Variants in LRBA observed in about 807,000 individuals in gnomAD.
LRBA encodes LPS responsive beige-like anchor protein.
LRBA carries 176 observed loss-of-function variants against 330.0 expected under a neutral mutation model. The ratio of observed to expected loss-of-function variants is 0.53; its 90% confidence interval spans 0.47 to 0.60. The LOEUF (loss-of-function observed/expected upper bound fraction) is 0.60, where lower values mean the gene tolerates loss of function less well. Ranked by LOEUF, LRBA falls within the 20% of genes least tolerant of loss-of-function variation. The probability of loss-of-function intolerance (pLI) is 0.00; values close to 1 mark genes in which losing one functional copy is unlikely to be tolerated. For missense variants in LRBA, 3,259 were observed against 3,444.8 expected, an observed-to-expected ratio of 0.95 and a Z score of 1.35; for synonymous variants, 1,230 against 1,193.0, an observed-to-expected ratio of 1.03 and a Z score of -0.64.
chr4:150,781,447 G>A (rs1214667684), intron 34 of LRBA, among the ~76,000 whole-genome samples: 2 of 152,232 alleles, frequency 1.3e-5, no homozygotes, highest in Non-Finnish European at 2.9e-5. Context: ...GCGGAGCTCA[G>A]GCAGTAATGC....
rs1179288457 is a variant in LRBA, at chr4:150,871,342, T to C, written c.2367+3A>G. 6.4e-7 allele frequency: 1 copy of C among 1,554,404 alleles called. No individual in the cohort carries two copies. The highest frequency in any genetic ancestry group is 1.4e-5 in the African/African-American group (1 of 74,048). ...GAGGAGTAAATCCTAAGTACATTCCTACCTCAAACAGCACATTATATGTGG... is the reference window on the plus strand; with the variant it reads ...GAGGAGTAAATCCTAAGTACATTCCCACCTCAAACAGCACATTATATGTGG... On this transcript the variant is annotated splice_donor_region_variant and intron_variant, in intron 19 of 56. Transcript: ENST00000651943.
At chr4:150,976,229 A>G (rs951323896) in intron 2 of LRBA, among the ~76,000 whole-genome samples, 2 of 151,854 alleles carry the variant, frequency 1.3e-5, no homozygotes, top group African/African-American at 4.8e-5. Context: ...ACTGAGGCAG[A>G]AAAATATTTG....
At chr4:150,462,718 T>C (rs1754934935) in intron 44 of LRBA, among the ~76,000 whole-genome samples, 1 of 151,842 alleles carries the variant, frequency 6.6e-6, no homozygotes, top group African/African-American at 2.4e-5. Flanking sequence ...TCAATACATT[T>C]TAAAGCCAGT....
At chr4:150,773,724 A>C (rs1298876192) in intron 34 of LRBA, among the ~76,000 whole-genome samples, 1 of 152,206 alleles carries the variant, frequency 6.6e-6, no homozygotes, top group Non-Finnish European at 1.5e-5. Context: ...CAGGAAACCA[A>C]TGTGGAGACA....
At chr4:150,925,802 G>A (rs528385478) in intron 4 of LRBA, among the ~76,000 whole-genome samples, 23 of 152,032 alleles carry the variant, frequency 1.5e-4, no homozygotes, top group Non-Finnish European at 3.2e-4. Flanking sequence ...TAAATAATGT[G>A]AATATAAATA....
At chr4:150,659,923 G>A (rs1406568106) in intron 37 of LRBA, among the ~76,000 whole-genome samples, 1 of 54,656 alleles carries the variant, frequency 1.8e-5, no homozygotes, top group Non-Finnish European at 4.6e-5. Flanking sequence ...CCCCCCGCCC[G>A]GCCAGCCGCC....
intron 47 of LRBA, among the ~76,000 whole-genome samples, chr4:150,411,879 T>A (rs1229095131): frequency 6.6e-6 from 1 of 152,120 alleles, no homozygotes; most frequent in Non-Finnish European, 1.5e-5. Flanking sequence ...GGAATTGAAG[T>A]GGTAAACCAA....
At chr4:150,597,104 T>C in intron 38 of LRBA, 1 of 1,401,728 alleles carries the variant, frequency 7.1e-7, no homozygotes, top group Non-Finnish European at 9.9e-7. Flanking sequence ...TCTCTCAATT[T>C]AAAAATGCAC....
chr4:150,289,250 C>T (rs938570817), intron 53 of LRBA, among the ~76,000 whole-genome samples: 1 of 152,070 alleles, frequency 6.6e-6, no homozygotes, highest in Admixed American at 6.6e-5. Flanking sequence ...ATAATCCAAA[C>T]TTTATTAAAT....
At chr4:150,766,322 A>G (rs574172387) in intron 34 of LRBA, among the ~76,000 whole-genome samples, 1 of 152,222 alleles carries the variant, frequency 6.6e-6, no homozygotes, top group Non-Finnish European at 1.5e-5. Context: ...TTACCATTTA[A>G]TAAAATACCA....
intron 40 of LRBA, among the ~76,000 whole-genome samples, chr4:150,527,606 T>A (rs1281840352): frequency 2.6e-5 from 4 of 152,176 alleles, no homozygotes; most frequent in African/African-American, 9.7e-5. Flanking sequence ...AGGCAAACAA[T>A]CTGAGAGGTT....
intron 31 of LRBA, among the ~76,000 whole-genome samples, chr4:150,811,526 G>A (rs891790292): frequency 2.0e-5 from 3 of 151,904 alleles, no homozygotes; most frequent in East Asian, 3.9e-4. Context: ...TTTAAGAGAC[G>A]AGGTCTTGCT....
intron 46 of LRBA, among the ~76,000 whole-genome samples, chr4:150,432,847 GA>G (rs1581293219): frequency 6.6e-6 from 1 of 152,066 alleles, no homozygotes; most frequent in African/African-American, 2.4e-5. Context: ...TCCTGTTTTA[GA>G]AAGACCAACC....
Position 150,518,680 on chromosome 4 carries a change from G to T in LRBA, c.6331-27645C>A, listed in dbSNP as rs540690334. On this transcript the variant is annotated intron_variant, in intron 40 of 56. Coordinates refer to ENST00000651943, the MANE Select transcript of LRBA (RefSeq NM_001364905.1). The stretch of plus-strand genomic sequence containing the variant: ...TTTGAATTTTAAATGTTTTACTCTT[G>T]TTTTCTATCAGGCACCAAATATTCA... 4.6e-5 allele frequency among the ~76,000 whole-genome samples: 7 copies of T among 151,854 alleles called. No homozygotes were observed. The East Asian group carries it at 1.2e-3, about 25-fold the overall frequency.
chr4:150,764,780 T>G (rs1379763546), intron 34 of LRBA, among the ~76,000 whole-genome samples: 1 of 152,036 alleles, frequency 6.6e-6, no homozygotes, highest in Non-Finnish European at 1.5e-5. Context: ...AATGCAAGGA[T>G]GTGGTACAAG....
chr4:150,567,389 C>T (rs910385649), intron 40 of LRBA, among the ~76,000 whole-genome samples: 1 of 152,032 alleles, frequency 6.6e-6, no homozygotes, highest in Non-Finnish European at 1.5e-5. Flanking sequence ...ATAACGGACA[C>T]TATTTAAGTT....
At chr4:150,449,771 T>C (rs912122713) in intron 44 of LRBA, among the ~76,000 whole-genome samples, 9 of 152,152 alleles carry the variant, frequency 5.9e-5, no homozygotes, top group Non-Finnish European at 1.5e-5. Context: ...AGAAGAAGCA[T>C]ATACTTCTTT....
chr4:150,843,064 A>C (rs1472811838), intron 28 of LRBA, among the ~76,000 whole-genome samples: 1 of 152,128 alleles, frequency 6.6e-6, no homozygotes, highest in African/African-American at 2.4e-5. Flanking sequence ...TGCCCATCTG[A>C]CCAGGAGGCG....
intron 37 of LRBA, among the ~76,000 whole-genome samples, chr4:150,671,452 A>G (rs954617407): frequency 1.3e-5 from 2 of 152,156 alleles, no homozygotes; most frequent in African/African-American, 4.8e-5. Flanking sequence ...CCCAAGAGAT[A>G]TTCATTATAG....
Sources: gnomAD v4.1 joint callset for allele counts (sites outside exome capture counted in the v4.1 genomes callset) on GRCh38, gnomAD v4.1.1 for gene constraint, MANE v1.5 for transcripts, NCBI Gene and HGNC (gene_info 2026-07-23, HGNC 2026-07-21) for gene names.